Variants in PFKFB3 observed in about 807,000 individuals in gnomAD.
PFKFB3 encodes 6-phosphofructo-2-kinase/fructose-2,6-biphosphatase 3, also known as 6-phosphofructo-2-kinase/fructose-2,6-bisphosphatase 3.
Under a neutral mutation model 68.0 loss-of-function variants are expected in PFKFB3, and 33 were observed. The observed-to-expected ratio is 0.49, with a 90% CI of 0.37 to 0.65. The LOEUF is 0.65. PFKFB3 is among the 30% of genes least tolerant of loss of function. The probability of loss-of-function intolerance (pLI) is 0.00; values close to 1 mark genes in which losing one functional copy is unlikely to be tolerated. For synonymous variants in PFKFB3, 315 were observed against 288.2 expected (o/e 1.09, Z -0.94); for missense variants, 586 against 712.2 (o/e 0.82, Z 2.02).
At chr10:6,151,797 C>G (rs1841596436) in intron 1 of PFKFB3, among the ~76,000 whole-genome samples, 1 of 152,096 alleles carries the variant, frequency 6.6e-6, no homozygotes, top group Non-Finnish European at 1.5e-5. Flanking sequence ...ATGGGGTAGA[C>G]CTGTTTGATG....
intron 14 of PFKFB3, among the ~76,000 whole-genome samples, chr10:6,242,382 C>G (rs1348624264): frequency 6.6e-6 from 1 of 152,162 alleles, no homozygotes; most frequent in Non-Finnish European, 1.5e-5. Flanking sequence ...ACTTTATATT[C>G]CTGCCCAGGA....
upstream of PFKFB3, among the ~76,000 whole-genome samples, chr10:6,201,467 C>A (rs904204628): frequency 0.053 from 1,293 of 24,486 alleles, 20 homozygotes; most frequent in African/African-American, 0.16. The surrounding 1 kb of genome is among the most constrained non-coding windows in gnomAD (Gnocchi z 4.1). Flanking sequence ...GAGTGGGGGT[C>A]GAGGCGTGGG....
At chr10:6,306,593 T>C in the PFKFB3 span, among the ~76,000 whole-genome samples, 143,900 of 152,296 alleles carry the variant, frequency 0.94, 68,533 homozygotes, top group South Asian at 1. Context: ...AAAAAAGAAA[T>C]GTATGAAAAC....
Position 6,221,413 on chromosome 10 carries a change from G to T in PFKFB3, c.864G>T (p.Glu288Asp). 1 of 1,613,912 alleles carries T rather than the reference G, an allele frequency of 6.2e-7. No individual in the cohort carries two copies. The highest frequency in any genetic ancestry group is 8.5e-7 in the Non-Finnish European group (1 of 1,180,022). ...FASALSKFVE[E>D]QNLKDLRVWT... ...GTGCTCTGAGCAAGTTCGTGGAGGA[G>T]CAGAACCTGAAGGACCTGCGCGTGT... Residue 288 changes from glutamate (E) to aspartate (D), a missense_variant, in exon 9 of 15, where the codon GAG (glutamate) becomes GAT (aspartate). By Grantham distance (45) the Glu-to-Asp change is conservative. Coordinates refer to ENST00000379775, the MANE Select transcript of PFKFB3 (RefSeq NM_004566.4).
intron 1 of PFKFB3, chr10:6,146,158 C>A (rs1211583578): frequency 3.3e-6 from 3 of 917,504 alleles, no homozygotes; most frequent in Non-Finnish European, 3.9e-6. Flanking sequence ...GGAGCCTGGC[C>A]TCCCCTGGCA....
Position 6,228,166 on chromosome 10 carries a change from C to G in PFKFB3, c.1515+1801C>G. The G allele has an allele frequency of 3.1e-6, 5 of 1,612,718 alleles. No homozygotes were observed. Among genetic ancestry groups the G allele is most frequent in the South Asian group, 2.2e-5 (2 of 91,090 alleles). ...CTGCAGATTGCGCCCTGCCTCCTGA[C>G]TGACTTCTCTCTCTGCTTCTCCTCC... On this transcript the variant is annotated intron_variant, in intron 14 of 14. Coordinates refer to ENST00000379775, the MANE Select transcript of PFKFB3 (RefSeq NM_004566.4). This position sits in a 1 kb window ranked among gnomAD's most constrained non-coding sequence, Gnocchi z 4.5.
chr10:6,275,028 T>TTGATC, the PFKFB3 span, among the ~76,000 whole-genome samples: 370 of 152,300 alleles, frequency 2.4e-3, 2 homozygotes, highest in African/African-American at 8.7e-3. The surrounding 1 kb of genome is among the most constrained non-coding windows in gnomAD (Gnocchi z 4.9). Flanking sequence ...ATTCTTGAAT[T>TTGATC]TGATCTGTTC....
intron 1 of PFKFB3, among the ~76,000 whole-genome samples, chr10:6,155,777 G>A (rs1841762617): frequency 1.3e-5 from 2 of 152,098 alleles, no homozygotes; most frequent in South Asian, 4.1e-4. Flanking sequence ...TAACCCTCGT[G>A]CCACAGGCTT....
the PFKFB3 span, among the ~76,000 whole-genome samples, chr10:6,316,829 T>C: frequency 6.6e-6 from 1 of 152,188 alleles, no homozygotes; most frequent in Non-Finnish European, 1.5e-5. Context: ...AGGTACAGTC[T>C]ACCTTTGCTC....
chr10:6,190,439 G>T (rs1286243484), intron 1 of PFKFB3, among the ~76,000 whole-genome samples: 3 of 152,190 alleles, frequency 2.0e-5, no homozygotes, highest in African/African-American at 7.2e-5. Context: ...CCACAGTTGA[G>T]TGGATTCATG....
At chr10:6,158,972 C>T (rs889699607) in intron 1 of PFKFB3, among the ~76,000 whole-genome samples, 1 of 152,074 alleles carries the variant, frequency 6.6e-6, no homozygotes, top group African/African-American at 2.4e-5. Flanking sequence ...CATAGAAAAA[C>T]CTTTACACAG....
chr10:6,174,388 G>A (rs886354552), intron 1 of PFKFB3, among the ~76,000 whole-genome samples: 2 of 152,192 alleles, frequency 1.3e-5, no homozygotes, highest in Non-Finnish European at 2.9e-5. Flanking sequence ...GTGCTGTTCC[G>A]TCTGCCTCGC....
intron 14 of PFKFB3, among the ~76,000 whole-genome samples, chr10:6,252,132 G>C (rs1386892000): frequency 6.6e-6 from 1 of 152,174 alleles, no homozygotes; most frequent in Non-Finnish European, 1.5e-5. Context: ...CCTACGGAGT[G>C]GCTAATACAG....
At chr10:6,303,541 A>G in the PFKFB3 span, among the ~76,000 whole-genome samples, 86,267 of 152,042 alleles carry the variant, frequency 0.57, 26,423 homozygotes, top group Non-Finnish European at 0.7. Flanking sequence ...AATGCCGGGC[A>G]CGGTGGCTCA....
downstream of PFKFB3, among the ~76,000 whole-genome samples, chr10:6,238,635 G>A (rs576886269): frequency 9.9e-5 from 15 of 151,906 alleles, no homozygotes; most frequent in Admixed American, 2.0e-4. Flanking sequence ...CTTGTGTCAT[G>A]GGGGTTGGTT....
At chr10:6,227,800 A>G (rs1845453506) in intron 14 of PFKFB3, among the ~76,000 whole-genome samples, 1 of 152,232 alleles carries the variant, frequency 6.6e-6, no homozygotes, top group African/African-American at 2.4e-5. Context: ...GAGCTCTCAT[A>G]CATATTCCCT....
At position 6,229,593 on chromosome 10, in the gene PFKFB3, T is replaced by TG. The variant is rs920993298; in HGVS notation, c.1515+3232dup. Among the ~76,000 whole-genome samples the TG allele has an allele frequency of 0.016, 2,358 of 151,856 alleles. 60 individuals are homozygous for TG. Among genetic ancestry groups the TG allele is most frequent in the African/African-American group, 0.055 (2,256 of 41,380 alleles). On this transcript the variant is annotated intron_variant, in intron 14 of 14. Transcript: ENST00000379775. The surrounding 1 kb of genome is among the most constrained non-coding windows in gnomAD (Gnocchi z 4.3). ...GGCCTGCCCTTAACTTCCAGCTTCT[T>TG]GGGGCGCACCCTCCATCCTCAGGGC...
At chr10:6,257,260 T>C (rs1261038620), downstream of PFKFB3, among the ~76,000 whole-genome samples, 7 of 152,212 alleles carry the variant, frequency 4.6e-5, no homozygotes, top group African/African-American at 1.7e-4. Flanking sequence ...TCCAGCCTAT[T>C]GTATCTAGGC....
At chr10:6,246,120 G>C (rs1366003874) in intron 14 of PFKFB3, among the ~76,000 whole-genome samples, 1 of 152,094 alleles carries the variant, frequency 6.6e-6, no homozygotes, top group Non-Finnish European at 1.5e-5. Context: ...TCACCCGGCT[G>C]GGCCCAGGCT....
Sources: allele counts gnomAD v4.1 joint callset (sites outside exome capture counted in the v4.1 genomes callset), GRCh38; gene constraint gnomAD v4.1.1; non-coding constraint Gnocchi (gnomAD v3.1); transcripts MANE v1.5; gene names NCBI Gene and HGNC (gene_info 2026-07-23, HGNC 2026-07-21).